TAF13: variants seen among roughly 807,000 people sequenced by gnomAD.
The protein encoded by TAF13 is transcription initiation factor TFIID subunit 13.
TAF13 carries 9 observed loss-of-function variants against 18.7 expected under a neutral mutation model. The observed-to-expected ratio is 0.48, with a 90% CI of 0.29 to 0.84. The LOEUF is 0.84. Ranked by LOEUF, TAF13 falls within the 40% of genes least tolerant of loss-of-function variation. The pLI, the probability that TAF13 is intolerant of heterozygous loss-of-function variation, is 0.08. For missense variants in TAF13, 105 were observed against 146.5 expected, an observed-to-expected ratio of 0.72 and a Z score of 1.46; for synonymous variants, 49 against 44.1, an observed-to-expected ratio of 1.11 and a Z score of -0.44.
chr1:109,072,830 G>C (rs1178530968), intron 2 of TAF13, among the ~76,000 whole-genome samples: 1 of 146,410 alleles, frequency 6.8e-6, no homozygotes, highest in Non-Finnish European at 1.5e-5. Context: ...ACCCAGGCTA[G>C]AGTGCAGTGG....
intron 2 of TAF13, among the ~76,000 whole-genome samples, chr1:109,066,601 G>C (rs1663954683): frequency 6.6e-6 from 1 of 152,182 alleles, no homozygotes; most frequent in Non-Finnish European, 1.5e-5. Flanking sequence ...TTTTGGAGGT[G>C]GTTTTTGTGT....
chr1:109,074,345 G>A lies in TAF13; in HGVS notation c.106+642C>T, dbSNP rs575347276. Among the ~76,000 whole-genome samples, 446 of 152,274 alleles carry A rather than the reference G, an allele frequency of 2.9e-3. 1 individual carries two copies. The highest frequency in any genetic ancestry group is 4.8e-3 in the South Asian group (23 of 4,828). On this transcript the variant is annotated intron_variant, in intron 2 of 3. Coordinates refer to ENST00000338366, the MANE Select transcript of TAF13 (RefSeq NM_005645.4). ...GTTAAATGGATTAAGGGCGGTGCAA[G>A]ATGTGCTTTGTTAAACAGATGCTTG...
At chr1:109,068,560 C>G (rs944544022) in intron 2 of TAF13, among the ~76,000 whole-genome samples, 6 of 151,926 alleles carry the variant, frequency 3.9e-5, no homozygotes, top group African/African-American at 1.2e-4. Flanking sequence ...GTTGCCCAGG[C>G]TGGTCTTGAA....
intron 2 of TAF13, among the ~76,000 whole-genome samples, chr1:109,074,597 T>C (rs531259247): frequency 1.2e-4 from 18 of 151,824 alleles, no homozygotes; most frequent in Admixed American, 5.2e-4. Context: ...ATTAAAAAAA[T>C]AAAATAAAGC....
intron 2 of TAF13, among the ~76,000 whole-genome samples, chr1:109,073,464 T>C (rs377441922): frequency 6.6e-6 from 1 of 152,172 alleles, no homozygotes; most frequent in Non-Finnish European, 1.5e-5. Flanking sequence ...GGCTGGACTG[T>C]ACTGCAGCGA....
intron 2 of TAF13, among the ~76,000 whole-genome samples, chr1:109,067,061 G>GA (rs1296846278): frequency 6.6e-6 from 1 of 152,166 alleles, no homozygotes; most frequent in East Asian, 1.9e-4. Context: ...CTCAAAATGA[G>GA]AAAGCAGAGG....
At chr1:109,072,763 C>T (rs1344708392) in intron 2 of TAF13, among the ~76,000 whole-genome samples, 1 of 143,976 alleles carries the variant, frequency 6.9e-6, no homozygotes. Flanking sequence ...ACTATAATGC[C>T]TTACACGATT....
intron 2 of TAF13, among the ~76,000 whole-genome samples, chr1:109,073,754 G>C (rs1246540495): frequency 6.6e-6 from 1 of 152,236 alleles, no homozygotes. Flanking sequence ...GCCTCCCAAA[G>C]TGCTGAGATT....
chr1:109,069,595 C>A (rs1057048194), intron 2 of TAF13, among the ~76,000 whole-genome samples: 2 of 151,710 alleles, frequency 1.3e-5, no homozygotes, highest in African/African-American at 4.8e-5. Flanking sequence ...ATTCAGCAAG[C>A]TGTTCACTTA....
At chr1:109,071,567 G>A (rs1664053041) in intron 2 of TAF13, among the ~76,000 whole-genome samples, 1 of 151,986 alleles carries the variant, frequency 6.6e-6, no homozygotes, top group South Asian at 2.1e-4. Context: ...CTATGATCAT[G>A]CCACTGTACT....
In TAF13 at chr1:109,066,153, T is replaced by G. The variant is rs758182892; in HGVS notation, c.186A>C (p.Ile62=). The change falls in exon 3 of 4, where the codon ATA becomes ATC. Residue 62 remains isoleucine, a synonymous_variant. Transcript: ENST00000338366. ...ESVDILEDLV[I]EFITEMTHKA... Reference sequence around the variant, plus strand: ...ATCTTACCATTTCAGTGATAAACTCTATGACAAGATCTTCAAGAATATCCA... The same window carrying G: ...ATCTTACCATTTCAGTGATAAACTCGATGACAAGATCTTCAAGAATATCCA... 3 of 1,611,806 alleles carry G rather than the reference T, an allele frequency of 1.9e-6. No individual in the cohort carries two copies. Among genetic ancestry groups the G allele is most frequent in the Non-Finnish European group, 1.7e-6 (2 of 1,179,374 alleles).
At chr1:109,072,121 C>A (rs71514052) in intron 2 of TAF13, among the ~76,000 whole-genome samples, 5 of 4,682 alleles carry the variant, frequency 1.1e-3, no homozygotes, top group African/African-American at 2.4e-3. Flanking sequence ...TATATACACA[C>A]ATATATATAT....
In TAF13 at chr1:109,066,193, G is replaced by A; in HGVS notation, c.146C>T (p.Pro49Leu). The change falls in exon 3 of 4, where the codon CCT becomes CTT. Residue 49 changes from proline (P) to leucine (L), a missense_variant. Physicochemically the swap from Pro to Leu is moderately conservative, Grantham distance 98 (BLOSUM62 -3). Coordinates refer to ENST00000338366, the MANE Select transcript of TAF13 (RefSeq NM_005645.4). ...AAGAATATCCACTGACTCAGTATAA[G>A]GATTCTGGTCATCCCCAAAGCCATA... is the stretch of plus-strand genomic sequence containing the variant. ...MMYGFGDDQNPYTESVDILED... is the reference protein window; with the variant it reads ...MMYGFGDDQNLYTESVDILED... The A allele has an allele frequency of 6.2e-7, 1 of 1,612,580 alleles. No individual in the cohort carries two copies. Among genetic ancestry groups the A allele is most frequent in the East Asian group, 2.2e-5 (1 of 44,782 alleles).
chr1:109,069,351 C>T lies in TAF13; in HGVS notation c.107-3119G>A, dbSNP rs539931740. On this transcript the variant is annotated intron_variant, in intron 2 of 3. Coordinates refer to ENST00000338366, the MANE Select transcript of TAF13 (RefSeq NM_005645.4). Reference sequence around the variant, plus strand: ...ATAGTATTTGCATATAAGCTAAATACATCCTATGTATATTTTAAATCATCT... The same window carrying T: ...ATAGTATTTGCATATAAGCTAAATATATCCTATGTATATTTTAAATCATCT... Among the ~76,000 whole-genome samples the T allele has an allele frequency of 1.3e-4, 20 of 152,286 alleles. 1 individual carries two copies. In the South Asian group the frequency reaches 2.9e-3, roughly 22 times the overall value.
intron 1 of TAF13, 65 bp from the exon 2 acceptor site, chr1:109,075,130 G>T: frequency 2.2e-6 from 3 of 1,388,760 alleles, no homozygotes; most frequent in South Asian, 2.6e-5. Flanking sequence ...TTTTAATAAT[G>T]ACATTTTTTT....
intron 2 of TAF13, among the ~76,000 whole-genome samples, chr1:109,067,827 A>C (rs765634725): frequency 4.6e-5 from 7 of 152,166 alleles, no homozygotes; most frequent in Non-Finnish European, 8.8e-5. Context: ...TAGATGAGAA[A>C]ATTAAAGCAC....
chr1:109,071,725 C>T (rs994203468), intron 2 of TAF13, among the ~76,000 whole-genome samples: 4 of 151,592 alleles, frequency 2.6e-5, no homozygotes, highest in Admixed American at 6.6e-5. Context: ...GAGGCTGAGA[C>T]GGCGGATCAT....
chr1:109,072,989 TC>T (rs1314978024), intron 2 of TAF13, among the ~76,000 whole-genome samples: 4 of 151,572 alleles, frequency 2.6e-5, no homozygotes, highest in African/African-American at 9.7e-5. Context: ...CGCCTCAGTC[TC>T]CCAAAGTGCT....
intron 3 of TAF13, 45 bp downstream of exon 3, chr1:109,066,090 A>G (rs765826795): frequency 6.6e-7 from 1 of 1,512,244 alleles, no homozygotes; most frequent in East Asian, 2.3e-5. Flanking sequence ...TAATATTTCA[A>G]ATCTATTCTT....
Sources: allele counts gnomAD v4.1 joint callset (sites outside exome capture counted in the v4.1 genomes callset), GRCh38; gene constraint gnomAD v4.1.1; transcripts MANE v1.5; gene names NCBI Gene and HGNC (gene_info 2026-07-23, HGNC 2026-07-21).